NEGR1: variants seen among roughly 807,000 people sequenced by gnomAD.
NEGR1 encodes the protein IgLON family member 4.
Under a neutral mutation model 40.9 loss-of-function variants are expected in NEGR1, and 10 were observed. The observed-to-expected ratio is 0.24, with a 90% confidence interval of 0.15 to 0.42. The LOEUF is 0.42. NEGR1 is among the 10% of genes least tolerant of loss of function. The pLI, the probability that NEGR1 is intolerant of heterozygous loss-of-function variation, is 1.00. For synonymous variants in NEGR1, 185 were observed against 166.8 expected (o/e 1.11, Z -0.84); for missense variants, 352 against 438.9 (o/e 0.80, Z 1.77).
rs778071072 is a variant in NEGR1, at chr1:71,611,116, C to A, written c.698G>T (p.Gly233Val). The change falls in exon 5 of 7, where the codon GGC (glycine) becomes GTC (valine). Residue 233 changes from glycine (G) to valine (V), a missense_variant. Gly to Val is a moderately radical substitution (Grantham distance 109, BLOSUM62 -3). This residue lies in a region of NEGR1 where 184 missense variants were observed against 208.7 expected (regional missense o/e 0.88). Transcript: ENST00000357731. ...GCCACTGCGTCCGGGGGTCACGGTG[C>A]CAGATTTAATTTCCTGAATAGTAGG... ...FAPTIQEIKS[G>V]TVTPGRSGLI... The A allele has an allele frequency of 1.6e-5, 26 of 1,613,600 alleles. No individual in the cohort carries two copies. The East Asian group carries it at 5.3e-4, about 33-fold the overall frequency.
chr1:71,635,933 T>C (rs1651134191), intron 4 of NEGR1, among the ~76,000 whole-genome samples: 1 of 152,030 alleles, frequency 6.6e-6, no homozygotes, highest in Non-Finnish European at 1.5e-5. Flanking sequence ...GGGATAACTA[T>C]CATTTTATAA....
At chr1:72,252,764 G>C (rs897823330) in intron 1 of NEGR1, among the ~76,000 whole-genome samples, 3 of 152,014 alleles carry the variant, frequency 2.0e-5, no homozygotes, top group Non-Finnish European at 4.4e-5. Flanking sequence ...GTCCATTTGG[G>C]GGTACAGACT....
At chr1:71,563,148 C>T (rs1004970799) in intron 6 of NEGR1, among the ~76,000 whole-genome samples, 1 of 151,892 alleles carries the variant, frequency 6.6e-6, no homozygotes, top group Non-Finnish European at 1.5e-5. Flanking sequence ...TAAAAGAGTG[C>T]TTGTTCTCCA....
intron 6 of NEGR1, among the ~76,000 whole-genome samples, chr1:71,532,166 A>C (rs923934895): frequency 6.6e-6 from 1 of 151,572 alleles, no homozygotes. Flanking sequence ...ATTCAGAATG[A>C]ACTGCTAAAT....
intron 2 of NEGR1, among the ~76,000 whole-genome samples, chr1:71,887,737 T>C (rs1371847557): frequency 3.9e-5 from 6 of 152,162 alleles, no homozygotes; most frequent in South Asian, 2.1e-4. Context: ...CTGGAACTTA[T>C]TCTATTTTGT....
chr1:71,739,791 C>G (rs1655157600), intron 3 of NEGR1, among the ~76,000 whole-genome samples: 1 of 152,142 alleles, frequency 6.6e-6, no homozygotes, highest in Non-Finnish European at 1.5e-5. Flanking sequence ...TTCCTGCTTT[C>G]TATTCCCTAT....
chr1:71,706,564 CAAA>C (rs35126210), intron 3 of NEGR1, among the ~76,000 whole-genome samples: 14 of 116,240 alleles, frequency 1.2e-4, no homozygotes, highest in East Asian at 2.5e-4. Flanking sequence ...GTTGCTGCTC[CAAA>C]AAAAAAAAAA....
At chr1:72,052,655 CAA>C (rs1341073018) in intron 1 of NEGR1, among the ~76,000 whole-genome samples, 2 of 151,404 alleles carry the variant, frequency 1.3e-5, no homozygotes, top group African/African-American at 4.8e-5. Flanking sequence ...TGAACAAAGT[CAA>C]AGTTTCACTT....
intron 2 of NEGR1, among the ~76,000 whole-genome samples, chr1:71,903,809 C>T (rs983884045): frequency 4.0e-5 from 6 of 151,286 alleles, no homozygotes; most frequent in Non-Finnish European, 5.9e-5. Context: ...ATATATCAAC[C>T]CCATTCTCTC....
chr1:71,466,397 C>T (rs1467756387), intron 6 of NEGR1, among the ~76,000 whole-genome samples: 1 of 152,070 alleles, frequency 6.6e-6, no homozygotes, highest in South Asian at 2.1e-4. Context: ...TAACAAAACA[C>T]TCCCAAATCC....
At chr1:71,584,625 A>G (rs1649243151) in intron 6 of NEGR1, among the ~76,000 whole-genome samples, 1 of 152,090 alleles carries the variant, frequency 6.6e-6, no homozygotes, top group African/African-American at 2.4e-5. Context: ...TGCTCAAACC[A>G]TTGGATCCCA....
At chr1:71,715,174 T>A (rs530222113) in intron 3 of NEGR1, among the ~76,000 whole-genome samples, 20 of 152,208 alleles carry the variant, frequency 1.3e-4, no homozygotes, top group Non-Finnish European at 2.4e-4. Context: ...CAGCCAGAGC[T>A]ATACATTGAT....
At chr1:71,927,587 T>G (rs1438094249) in intron 2 of NEGR1, among the ~76,000 whole-genome samples, 1 of 151,858 alleles carries the variant, frequency 6.6e-6, no homozygotes, top group Non-Finnish European at 1.5e-5. Context: ...TCTAAATTGT[T>G]TAGATATCAG....
intron 6 of NEGR1, among the ~76,000 whole-genome samples, chr1:71,592,067 C>T (rs1456632837): frequency 6.6e-6 from 1 of 152,016 alleles, no homozygotes; most frequent in Non-Finnish European, 1.5e-5. Flanking sequence ...CTTCTTTGAA[C>T]ATTTTGAGAA....
At chr1:71,940,852 G>A (rs1557445431) in intron 1 of NEGR1, among the ~76,000 whole-genome samples, 1 of 152,134 alleles carries the variant, frequency 6.6e-6, no homozygotes, top group Non-Finnish European at 1.5e-5. Flanking sequence ...GCCTGTGGCT[G>A]CTGAGGAATG....
intron 2 of NEGR1, among the ~76,000 whole-genome samples, chr1:71,843,575 T>C (rs922346154): frequency 6.6e-6 from 1 of 152,066 alleles, no homozygotes; most frequent in Non-Finnish European, 1.5e-5. Flanking sequence ...CAGAACAAAA[T>C]AGATTCTGAA....
At chr1:71,614,458 T>C (rs1650377626) in intron 4 of NEGR1, among the ~76,000 whole-genome samples, 1 of 152,158 alleles carries the variant, frequency 6.6e-6, no homozygotes, top group Admixed American at 6.5e-5. Context: ...TATTAAAAAA[T>C]CTATAAATAA....
At chr1:71,756,878 G>GA (rs1445573177) in intron 3 of NEGR1, among the ~76,000 whole-genome samples, 1 of 151,352 alleles carries the variant, frequency 6.6e-6, no homozygotes, top group Admixed American at 6.6e-5. Context: ...CAGGAAAGGT[G>GA]AAAAAAACCC....
intron 3 of NEGR1, among the ~76,000 whole-genome samples, chr1:71,764,597 G>A (rs1295512855): frequency 6.6e-6 from 1 of 152,186 alleles, no homozygotes; most frequent in Non-Finnish European, 1.5e-5. Context: ...AACTGCTAAC[G>A]AATGTACAAT....
Sources: allele counts gnomAD v4.1 joint callset (sites outside exome capture counted in the v4.1 genomes callset), GRCh38; gene constraint gnomAD v4.1.1; regional missense constraint gnomAD v4.1.1; transcripts MANE v1.5; gene names NCBI Gene and HGNC (gene_info 2026-07-23, HGNC 2026-07-21).